The following ZMYM2 variants were observed in gnomAD, a reference collection of about 807,000 sequenced individuals.
ZMYM2 encodes zinc finger MYM-type protein 2.
ZMYM2 carries 56 observed loss-of-function variants against 162.8 expected under a neutral mutation model. The observed-to-expected ratio is 0.34, with a 90% CI of 0.28 to 0.43. The LOEUF (loss-of-function observed/expected upper bound fraction) is 0.43. Ranked by LOEUF, ZMYM2 falls within the 20% of genes least tolerant of loss-of-function variation. The pLI is 1.00. For missense variants in ZMYM2, 1,275 were observed against 1,621.8 expected (o/e 0.79, Z 3.67); for synonymous variants, 510 against 541.6 (o/e 0.94, Z 0.81).
intron 12 of ZMYM2, among the ~76,000 whole-genome samples, chr13:20,044,770 C>T (rs377421094): frequency 2.6e-5 from 4 of 152,196 alleles, no homozygotes; most frequent in East Asian, 1.9e-4. Context: ...TGAAGACAGG[C>T]CAGGCGCGGC....
At chr13:20,038,797 T>C (rs2140395631) in intron 12 of ZMYM2, among the ~76,000 whole-genome samples, 1 of 152,186 alleles carries the variant, frequency 6.6e-6, no homozygotes, top group East Asian at 1.9e-4. Context: ...AAAAGTTTTT[T>C]TTTTTTTTGT....
At chr13:19,945,480 G>A in the ZMYM2 span, among the ~76,000 whole-genome samples, 1 of 152,108 alleles carries the variant, frequency 6.6e-6, no homozygotes, top group East Asian at 1.9e-4. Context: ...TTGAACTCCT[G>A]GCCTCAAGTG....
chr13:19,957,812 G>A (rs1392577430), upstream of ZMYM2, among the ~76,000 whole-genome samples: 1 of 152,148 alleles, frequency 6.6e-6, no homozygotes, highest in Non-Finnish European at 1.5e-5. Flanking sequence ...CCAGCTCCAG[G>A]GGAGCCCGCA....
At chr13:19,974,478 C>CTTTTT (rs796692110) in intron 2 of ZMYM2, among the ~76,000 whole-genome samples, 2 of 141,216 alleles carry the variant, frequency 1.4e-5, no homozygotes, top group African/African-American at 5.2e-5. Flanking sequence ...TATCCTTCTA[C>CTTTTT]TTTTTTTTTT....
chr13:19,947,261 C>T, the ZMYM2 span, among the ~76,000 whole-genome samples: 2 of 151,656 alleles, frequency 1.3e-5, no homozygotes, highest in African/African-American at 4.8e-5. Flanking sequence ...GGGGTTTCAC[C>T]GTATTAGCCA....
chr13:20,041,662 G>A (rs997211212), intron 12 of ZMYM2, among the ~76,000 whole-genome samples: 3 of 152,162 alleles, frequency 2.0e-5, no homozygotes. Flanking sequence ...GTGTACTTAA[G>A]TGTGTTTTTG....
the ZMYM2 span, among the ~76,000 whole-genome samples, chr13:19,865,615 T>C: frequency 6.6e-6 from 1 of 152,214 alleles, no homozygotes; most frequent in Non-Finnish European, 1.5e-5. Context: ...AAACTTTAAA[T>C]GGTAAGCTCA....
chr13:20,069,694 T>C (rs9509023), intron 21 of ZMYM2, among the ~76,000 whole-genome samples: 3,962 of 152,180 alleles, frequency 0.026, 115 homozygotes, highest in East Asian at 0.13. Flanking sequence ...TTATCCTTTT[T>C]ATATATTGCC....
the ZMYM2 span, among the ~76,000 whole-genome samples, chr13:19,883,505 T>C: frequency 6.6e-6 from 1 of 151,754 alleles, no homozygotes; most frequent in Non-Finnish European, 1.5e-5. Context: ...AGGCTGAGCT[T>C]AGCACATTCA....
intron 9 of ZMYM2, 58 bp from the exon 10 acceptor site, chr13:20,031,261 C>A (rs1953106904): frequency 8.2e-7 from 1 of 1,224,214 alleles, no homozygotes; most frequent in Non-Finnish European, 1.2e-6. Context: ...TGACAGTAAT[C>A]ACAAATAGAA....
rs1197601843 is a variant in ZMYM2, at chr13:19,958,921, AGGAGGC to A, written c.-80+94_-80+99del. ...CTGGGAGCAGCGCAGCCTCCGGAGG[AGGAGGC>A]GGAGGCGGAGGCGACTAGGGAGGCG... On this transcript the variant is annotated intron_variant, in intron 1 of 24. Coordinates refer to ENST00000610343, the MANE Select transcript of ZMYM2 (RefSeq NM_197968.4). 283 of 151,778 alleles carry A rather than the reference AGGAGGC, an allele frequency of 1.9e-3. 3 individuals carry two copies. The highest frequency in any genetic ancestry group is 1.2e-3 in the East Asian group (6 of 5,056). The allele number at this position is 151,778 out of a possible 1,614,324, so 9.4% of individuals were successfully genotyped here.
intron 2 of ZMYM2, among the ~76,000 whole-genome samples, chr13:19,979,680 A>G (rs1180604426): frequency 6.6e-6 from 1 of 152,182 alleles, no homozygotes; most frequent in Non-Finnish European, 1.5e-5. Flanking sequence ...AATTTTGGTA[A>G]AAGTTCCTAT....
chr13:19,888,897 CTATTATT>C, the ZMYM2 span, among the ~76,000 whole-genome samples: 1 of 151,950 alleles, frequency 6.6e-6, no homozygotes, highest in Non-Finnish European at 1.5e-5. Context: ...TGTGCCTGGC[CTATTATT>C]TATTTTGACT....
the ZMYM2 span, among the ~76,000 whole-genome samples, chr13:19,880,669 T>C: frequency 2.6e-5 from 4 of 152,240 alleles, no homozygotes; most frequent in Non-Finnish European, 5.9e-5. Flanking sequence ...GCTCAGGCGA[T>C]CCACCCGCCT....
the ZMYM2 span, among the ~76,000 whole-genome samples, chr13:19,885,129 C>A: frequency 1.3e-5 from 2 of 152,222 alleles, no homozygotes; most frequent in Non-Finnish European, 2.9e-5. Context: ...GCCCAGCTGG[C>A]TTCACCTGTC....
the ZMYM2 span, among the ~76,000 whole-genome samples, chr13:19,892,010 T>G: frequency 6.6e-6 from 1 of 150,670 alleles, no homozygotes; most frequent in South Asian, 2.1e-4. Context: ...GGCATGATCA[T>G]GGCTCACTGC....
At chr13:19,886,583 C>T in the ZMYM2 span, among the ~76,000 whole-genome samples, 70 of 151,940 alleles carry the variant, frequency 4.6e-4, no homozygotes, top group Non-Finnish European at 9.4e-4. Flanking sequence ...TTGTTTTTCA[C>T]GATTTATTGA....
Position 20,019,637 on chromosome 13 carries a change from G to T in ZMYM2, c.1584+19G>T. ...GCCTGAGGTAAGCAGGAATGTAAAT[G>T]GAGTTCAAGGCCTTAACATTTTTGA... On this transcript the variant is annotated intron_variant, in intron 7 of 24. Transcript: ENST00000610343. 1 of 1,575,992 alleles carries T rather than the reference G, an allele frequency of 6.3e-7. No individual in the cohort carries two copies. The highest frequency in any genetic ancestry group is 8.6e-7 in the Non-Finnish European group (1 of 1,159,262).
chr13:19,954,021 G>A (rs1320948755), upstream of ZMYM2, among the ~76,000 whole-genome samples: 3 of 151,110 alleles, frequency 2.0e-5, no homozygotes, highest in African/African-American at 4.9e-5. Flanking sequence ...CCTAGTAGGC[G>A]TTTGTACCGG....
Sources: gnomAD v4.1 joint callset for allele counts (sites outside exome capture counted in the v4.1 genomes callset) on GRCh38, gnomAD v4.1.1 for gene constraint, MANE v1.5 for transcripts, NCBI Gene and HGNC (gene_info 2026-07-23, HGNC 2026-07-21) for gene names.